The following DOCK8 variants were observed in gnomAD, a reference collection of about 807,000 sequenced individuals.
DOCK8 encodes the protein dedicator of cytokinesis protein 8.
A neutral mutation model predicts 245.6 loss-of-function variants in DOCK8; 141 were observed. The ratio of observed to expected loss-of-function variants is 0.57; its 90% CI spans 0.50 to 0.66. The LOEUF is 0.66. DOCK8 is among the 30% of genes least tolerant of loss of function. The pLI, the probability that DOCK8 is intolerant of heterozygous loss-of-function variation, is 0.00. For missense variants in DOCK8, 2,965 were observed against 2,603.4 expected (o/e 1.14, Z -3.02); for synonymous variants, 1,168 against 970.2 (o/e 1.20, Z -3.79).
intron 28 of DOCK8, among the ~76,000 whole-genome samples, chr9:412,239 A>G (rs978583018): frequency 7.2e-5 from 11 of 152,218 alleles, no homozygotes; most frequent in African/African-American, 2.4e-4. Context: ...CGCCATCTCT[A>G]CAAGAAATAC....
chr9:380,972 C>T (rs923953193), intron 21 of DOCK8: 14 of 153,004 alleles, frequency 9.2e-5, no homozygotes, highest in African/African-American at 3.1e-4. Flanking sequence ...GTGGCACATA[C>T]CTTTAGTCCC....
intron 1 of DOCK8, among the ~76,000 whole-genome samples, chr9:216,867 C>A (rs2046767776): frequency 6.6e-6 from 1 of 152,120 alleles, no homozygotes; most frequent in Admixed American, 6.5e-5. Context: ...GGGTCGGTGT[C>A]ACCTGGGGGT....
Position 376,315 on chromosome 9 carries a change from G to A in DOCK8, c.2205+10G>A. On this transcript the variant is annotated intron_variant, in intron 19 of 47. Transcript: ENST00000432829. ...TTCTGTACACACCCAGGTAAGGAATGTCAAGGTTAATCATGAAGGTAAAGG... is the reference window on the plus strand; with the variant it reads ...TTCTGTACACACCCAGGTAAGGAATATCAAGGTTAATCATGAAGGTAAAGG... 1 of 1,584,486 alleles carries A rather than the reference G, an allele frequency of 6.3e-7. No homozygotes were observed. The highest frequency in any genetic ancestry group is 8.7e-7 in the Non-Finnish European group (1 of 1,152,948).
intron 1 of DOCK8, among the ~76,000 whole-genome samples, chr9:218,084 A>G (rs573321591): frequency 7.9e-5 from 12 of 152,298 alleles, no homozygotes; most frequent in African/African-American, 2.6e-4. Flanking sequence ...ATGTTTTGCA[A>G]TGTTGAAGGT....
At chr9:397,062 A>T in intron 25 of DOCK8, 128 bp downstream of exon 25, 1 of 1,114,510 alleles carries the variant, frequency 9.0e-7, no homozygotes, top group South Asian at 1.4e-5. Context: ...AGTTAAACGC[A>T]GTATGTTATA....
chr9:352,603 C>T (rs761352032), intron 14 of DOCK8, among the ~76,000 whole-genome samples: 29 of 152,066 alleles, frequency 1.9e-4, no homozygotes, highest in Admixed American at 2.6e-4. Flanking sequence ...ATTAGCTGGG[C>T]GTGGTGGCGG....
chr9:458,391 G>GT (rs1324136594), intron 46 of DOCK8: 1 of 152,228 alleles, frequency 6.6e-6, no homozygotes, highest in African/African-American at 2.4e-5. Context: ...GCTAGGAAGT[G>GT]TAAGTTTTCA....
In DOCK8 at chr9:215,279, G is replaced by T. The variant is rs761662511; in HGVS notation, c.53+250G>T. The T allele has an allele frequency of 5.5e-5, 88 of 1,608,226 alleles. 4 individuals carry two copies. The South Asian group carries it at 9.4e-4, about 17-fold the overall frequency. On this transcript the variant is annotated intron_variant, in intron 1 of 47. Coordinates refer to ENST00000432829, the MANE Select transcript of DOCK8 (RefSeq NM_203447.4). ...CTCCTGGATGTCCTCAGCCGCCGGG[G>T]ATCCCTTCCCCGAACAACCTCGCCC... is the stretch of plus-strand genomic sequence containing the variant.
intron 2 of DOCK8, among the ~76,000 whole-genome samples, chr9:274,133 G>C (rs1362505594): frequency 1.3e-5 from 2 of 152,202 alleles, no homozygotes; most frequent in Non-Finnish European, 2.9e-5. Context: ...TGCCTCCTCA[G>C]TAAGTTTTGA....
chr9:430,562 A>C (rs1409786589), intron 36 of DOCK8, among the ~76,000 whole-genome samples: 1 of 151,780 alleles, frequency 6.6e-6, no homozygotes, highest in Non-Finnish European at 1.5e-5. Flanking sequence ...CACGCCCGTA[A>C]TCTTAGCTAC....
At chr9:417,794 A>T (rs2056090597) in intron 29 of DOCK8, among the ~76,000 whole-genome samples, 1 of 152,248 alleles carries the variant, frequency 6.6e-6, no homozygotes, top group Non-Finnish European at 1.5e-5. Flanking sequence ...AATGAAGTTT[A>T]AAAAATTATG....
chr9:443,849 A>T (rs1367935161), intron 43 of DOCK8, among the ~76,000 whole-genome samples: 1 of 152,184 alleles, frequency 6.6e-6, no homozygotes, highest in African/African-American at 2.4e-5. Context: ...TGAGACATGG[A>T]AGAGTCAAGC....
intron 46 of DOCK8, among the ~76,000 whole-genome samples, chr9:460,772 C>G (rs534581653): frequency 7.9e-5 from 12 of 152,358 alleles, no homozygotes; most frequent in African/African-American, 2.9e-4. Context: ...CTCTTCCTTG[C>G]CACATGCTAT....
At chr9:352,696 C>A (rs1162623950) in intron 14 of DOCK8, among the ~76,000 whole-genome samples, 1 of 149,496 alleles carries the variant, frequency 6.7e-6, no homozygotes, top group Non-Finnish European at 1.5e-5. Flanking sequence ...GAGCCAAGAT[C>A]GCGCCACTGC....
chr9:247,573 G>A (rs785832), intron 1 of DOCK8, among the ~76,000 whole-genome samples: 82,277 of 151,642 alleles, frequency 0.54, 22,503 homozygotes, highest in East Asian at 0.69. Flanking sequence ...TCGCTCTGTC[G>A]CCCAGGCTGA....
intron 21 of DOCK8, among the ~76,000 whole-genome samples, chr9:381,741 C>T (rs535659803): frequency 3.3e-5 from 5 of 152,160 alleles, no homozygotes; most frequent in Non-Finnish European, 7.3e-5. Flanking sequence ...GAGCAGATCA[C>T]TTGAGCTCAG....
At chr9:419,718 G>A (rs2056194788) in intron 30 of DOCK8, among the ~76,000 whole-genome samples, 1 of 152,158 alleles carries the variant, frequency 6.6e-6, no homozygotes, top group African/African-American at 2.4e-5. Context: ...TGTTTGTGTT[G>A]ATGAGATGAG....
chr9:314,311 A>G (rs1039445691), intron 6 of DOCK8: 4 of 152,234 alleles, frequency 2.6e-5, no homozygotes, highest in Admixed American at 2.6e-4. Context: ...GGAGATGCCA[A>G]CATGTAATAG....
rs527923485 is a variant in DOCK8, at chr9:264,440, C to T, written c.54-7187C>T. 3.9e-5 allele frequency among the ~76,000 whole-genome samples: 6 copies of T among 152,284 alleles called. No individual in the cohort carries two copies. In the South Asian group the frequency reaches 1.2e-3, roughly 32 times the overall value. ...AAACTTTTCTTTGTAGTCATGTTTC[C>T]ACCTGTTGAATCCGTTTTATGGAAG... On this transcript the variant is annotated intron_variant, in intron 1 of 47. Coordinates refer to ENST00000432829, the MANE Select transcript of DOCK8 (RefSeq NM_203447.4).
Sources: allele counts gnomAD v4.1 joint callset (sites outside exome capture counted in the v4.1 genomes callset), GRCh38; gene constraint gnomAD v4.1.1; transcripts MANE v1.5; gene names NCBI Gene and HGNC (gene_info 2026-07-23, HGNC 2026-07-21).